Variants in XKR4 observed in about 807,000 individuals in gnomAD.
XKR4 encodes the protein XK-related protein 4.
XKR4 carries 12 observed loss-of-function variants against 53.9 expected under a neutral mutation model. The observed-to-expected ratio is 0.22, with a 90% CI of 0.14 to 0.36. XKR4 has a LOEUF of 0.36. Ranked by LOEUF, XKR4 falls within the 10% of genes least tolerant of loss-of-function variation. The pLI is 1.00. For synonymous variants in XKR4, 354 were observed against 362.4 expected, an observed-to-expected ratio of 0.98 and a Z score of 0.26; for missense variants, 799 against 859.5, an observed-to-expected ratio of 0.93 and a Z score of 0.88.
chr8:55,219,125 C>T (rs1304532076), intron 1 of XKR4, among the ~76,000 whole-genome samples: 2 of 151,846 alleles, frequency 1.3e-5, no homozygotes, highest in East Asian at 3.9e-4. Flanking sequence ...GAGCCATTCT[C>T]CAAGCAATCA....
At chr8:55,495,684 C>G (rs949635922) in intron 2 of XKR4, among the ~76,000 whole-genome samples, 2 of 152,204 alleles carry the variant, frequency 1.3e-5, no homozygotes, top group Admixed American at 6.5e-5. Flanking sequence ...TCTGGAGGAG[C>G]AGAGGCTCTG....
intron 1 of XKR4, among the ~76,000 whole-genome samples, chr8:55,253,579 C>T (rs565602670): frequency 1.3e-5 from 2 of 152,204 alleles, no homozygotes; most frequent in East Asian, 3.9e-4. Context: ...AAGATTCTTA[C>T]CTTAAGGATT....
intron 1 of XKR4, among the ~76,000 whole-genome samples, chr8:55,226,886 A>C (rs190972145): frequency 6.6e-6 from 1 of 152,180 alleles, no homozygotes; most frequent in East Asian, 1.9e-4. Context: ...GCTATCCATC[A>C]CTGTTGAGAT....
chr8:55,314,208 G>A (rs1313894105), intron 1 of XKR4, among the ~76,000 whole-genome samples: 4 of 152,192 alleles, frequency 2.6e-5, no homozygotes, highest in Admixed American at 6.5e-5. Flanking sequence ...ATTTTAAAAT[G>A]TGAGTCAAAT....
At chr8:55,203,679 C>A (rs756886977) in intron 1 of XKR4, among the ~76,000 whole-genome samples, 2 of 152,168 alleles carry the variant, frequency 1.3e-5, no homozygotes, top group Non-Finnish European at 2.9e-5. Context: ...CATACTCAGA[C>A]AAGTTAACTC....
chr8:55,441,758 A>G (rs1805271108), intron 2 of XKR4, among the ~76,000 whole-genome samples: 1 of 152,240 alleles, frequency 6.6e-6, no homozygotes, highest in South Asian at 2.1e-4. Flanking sequence ...AACAGAAATC[A>G]TGAATCGAAG....
intron 1 of XKR4, among the ~76,000 whole-genome samples, chr8:55,197,836 C>T (rs555568300): frequency 7.1e-4 from 108 of 152,286 alleles, no homozygotes; most frequent in Admixed American, 3.1e-3. Context: ...AGCCACCACA[C>T]CCAACCGGGT....
At chr8:55,323,284 T>C (rs926480228) in intron 1 of XKR4, among the ~76,000 whole-genome samples, 1 of 152,246 alleles carries the variant, frequency 6.6e-6, no homozygotes, top group Non-Finnish European at 1.5e-5. Flanking sequence ...ATACTCATCA[T>C]TGCAATGAAG....
chr8:55,340,380 T>C (rs1274793912), intron 1 of XKR4, among the ~76,000 whole-genome samples: 1 of 152,228 alleles, frequency 6.6e-6, no homozygotes, highest in African/African-American at 2.4e-5. Flanking sequence ...AATTAATGAA[T>C]TTACATTTAG....
At chr8:55,419,937 G>A (rs906270873) in intron 2 of XKR4, among the ~76,000 whole-genome samples, 3 of 152,162 alleles carry the variant, frequency 2.0e-5, no homozygotes, top group African/African-American at 7.2e-5. Flanking sequence ...ATGACAGCTG[G>A]TAACACAATG....
At chr8:55,363,037 A>C (rs1803926607) in intron 2 of XKR4, among the ~76,000 whole-genome samples, 1 of 152,234 alleles carries the variant, frequency 6.6e-6, no homozygotes, top group Non-Finnish European at 1.5e-5. Context: ...TCTAAGTAAA[A>C]CAAACAAACA....
intron 1 of XKR4, among the ~76,000 whole-genome samples, chr8:55,286,429 G>A (rs1161198166): frequency 6.6e-6 from 1 of 152,182 alleles, no homozygotes; most frequent in African/African-American, 2.4e-5. Flanking sequence ...CCCTTCGAAG[G>A]CATTGTACCA....
At chr8:55,366,136 A>G (rs900760197) in intron 2 of XKR4, among the ~76,000 whole-genome samples, 3 of 152,210 alleles carry the variant, frequency 2.0e-5, no homozygotes, top group Admixed American at 6.5e-5. Flanking sequence ...AGAGGAAACC[A>G]GAAAGTCTCT....
intron 1 of XKR4, among the ~76,000 whole-genome samples, chr8:55,262,755 A>G (rs1436041204): frequency 6.6e-6 from 1 of 152,198 alleles, no homozygotes; most frequent in Non-Finnish European, 1.5e-5. Flanking sequence ...CAAGCTGACT[A>G]TGACAGTGGT....
rs114720410 is a variant in XKR4 at position 55,492,866 on chromosome 8, A to C, written c.1007-30415A>C. ...TTAGATCTCTCTCCTGGCATTATCA[A>C]ACTTGCAGCCATAACATCTGAGGTC... On this transcript the variant is annotated intron_variant, in intron 2 of 2. Coordinates refer to ENST00000327381, the MANE Select transcript of XKR4 (RefSeq NM_052898.2). Among the ~76,000 whole-genome samples the C allele has an allele frequency of 3.7e-3, 558 of 152,304 alleles. 5 individuals carry two copies. Among genetic ancestry groups the C allele is most frequent in the African/African-American group, 0.013 (522 of 41,556 alleles).
At chr8:55,170,018 A>C (rs774210476) in intron 1 of XKR4, among the ~76,000 whole-genome samples, 17 of 152,206 alleles carry the variant, frequency 1.1e-4, no homozygotes, top group Non-Finnish European at 2.2e-4. Flanking sequence ...TAGTTATTTC[A>C]TAGTTCAACA....
chr8:55,472,734 A>G (rs552127950), intron 2 of XKR4, among the ~76,000 whole-genome samples: 8 of 152,222 alleles, frequency 5.3e-5, no homozygotes, highest in African/African-American at 1.9e-4. Context: ...AACTTTATTC[A>G]AAGTCATTTC....
At chr8:55,395,504 A>G (rs1178753692) in intron 2 of XKR4, among the ~76,000 whole-genome samples, 1 of 152,106 alleles carries the variant, frequency 6.6e-6, no homozygotes, top group African/African-American at 2.4e-5. Context: ...GGGGAAGCAG[A>G]TGGACCCAGC....
intron 2 of XKR4, among the ~76,000 whole-genome samples, chr8:55,493,473 T>C (rs1287616143): frequency 6.6e-6 from 1 of 152,226 alleles, no homozygotes; most frequent in East Asian, 1.9e-4. Context: ...TTGTTATGAG[T>C]GCCTCCCATT....
Sources: gnomAD v4.1 joint callset for allele counts (sites outside exome capture counted in the v4.1 genomes callset) on GRCh38, gnomAD v4.1.1 for gene constraint, MANE v1.5 for transcripts, NCBI Gene and HGNC (gene_info 2026-07-23, HGNC 2026-07-21) for gene names.